Variants in MAP1LC3B observed in about 807,000 individuals in gnomAD.
MAP1LC3B encodes microtubule-associated protein 1 light chain 3 beta.
A neutral mutation model predicts 16.7 loss-of-function variants in MAP1LC3B; 12 were observed. The observed-to-expected ratio is 0.72, with a 90% CI of 0.46 to 1.16. MAP1LC3B has a LOEUF of 1.16. Ranked by LOEUF, MAP1LC3B falls within the 50% of genes most tolerant of loss-of-function variation. The pLI is 0.00. For synonymous variants in MAP1LC3B, 63 were observed against 56.5 expected (o/e 1.11, Z -0.51); for missense variants, 155 against 159.5 (o/e 0.97, Z 0.15).
chr16:87,400,799 C>T (rs982546243), intron 2 of MAP1LC3B, among the ~76,000 whole-genome samples: 15 of 151,698 alleles, frequency 9.9e-5, no homozygotes, highest in Non-Finnish European at 1.5e-4. Context: ...AACAACCAGC[C>T]TGAGTCACCG....
rs960569342 is a variant in MAP1LC3B at position 87,392,371 on chromosome 16, C to G, written c.-57C>G. The G allele has an allele frequency of 1.4e-6, 2 of 1,380,558 alleles. No individual in the cohort carries two copies. The highest frequency in any genetic ancestry group is 1.6e-5 in the South Asian group (1 of 63,422). 85.5% of individuals were successfully genotyped at this position (1,380,558 alleles called of 1,614,324 possible). A position where few individuals can be genotyped will look rare whatever the true frequency, so the allele number is the denominator to read the frequency against. The stretch of plus-strand genomic sequence containing the variant: ...TCGCCGCCGCAGCAGCCGCCGCCCC[C>G]GGGAGCCGCCGGGACCCTCGCGTCG... On this transcript the variant is annotated 5_prime_UTR_variant, in exon 1 of 4. Transcript: ENST00000268607.
At chr16:87,400,816 C>T (rs1413728880) in intron 2 of MAP1LC3B, among the ~76,000 whole-genome samples, 1 of 151,716 alleles carries the variant, frequency 6.6e-6, no homozygotes, top group African/African-American at 2.4e-5. Context: ...ACCGTGGCTC[C>T]CAAAACACAT....
At chr16:87,398,978 C>G (rs899224903) in intron 2 of MAP1LC3B, 108 bp downstream of exon 2, 3 of 924,990 alleles carry the variant, frequency 3.2e-6, no homozygotes, top group African/African-American at 3.3e-5. Context: ...ACAGCCAAAC[C>G]CTGGGTGTCA....
intron 1 of MAP1LC3B, 73 bp downstream of exon 1, chr16:87,392,540 A>G (rs2150707953): frequency 3.3e-6 from 4 of 1,206,988 alleles, no homozygotes; most frequent in Non-Finnish European, 4.1e-6. Flanking sequence ...AGGGCCTGGG[A>G]CGCCGTGAGG....
At chr16:87,395,091 GA>G (rs1415166643) in intron 1 of MAP1LC3B, among the ~76,000 whole-genome samples, 1 of 152,154 alleles carries the variant, frequency 6.6e-6, no homozygotes, top group Non-Finnish European at 1.5e-5. Context: ...GTAAATCCTG[GA>G]AAATCCTGGA....
intron 1 of MAP1LC3B, among the ~76,000 whole-genome samples, 165 bp from the exon 2 acceptor site, chr16:87,398,650 A>G (rs770402970): frequency 1.3e-5 from 2 of 152,208 alleles, no homozygotes; most frequent in Non-Finnish European, 2.9e-5. Context: ...AACCTTTATC[A>G]GGTTTGAAGT....
At chr16:87,394,905 A>T (rs185101326) in intron 1 of MAP1LC3B, among the ~76,000 whole-genome samples, 46 of 152,040 alleles carry the variant, frequency 3.0e-4, no homozygotes, top group Middle Eastern at 6.8e-3. Context: ...GCTCATCTCT[A>T]CCAAAAAAAG....
intron 2 of MAP1LC3B, 100 bp downstream of exon 2, chr16:87,398,970 A>G: frequency 9.8e-7 from 1 of 1,017,534 alleles, no homozygotes; most frequent in East Asian, 2.4e-5. Flanking sequence ...ATCACCAGAC[A>G]GCCAAACCCT....
intron 2 of MAP1LC3B, chr16:87,399,702 A>G (rs1907919336): frequency 2.5e-6 from 1 of 399,078 alleles, no homozygotes. Flanking sequence ...ATAACAGCTT[A>G]AAACTAAAAA....
At position 87,397,863 on chromosome 16, in the gene MAP1LC3B, T is replaced by C. The variant is rs76990024; in HGVS notation, c.41-952T>C. Among the ~76,000 whole-genome samples, 314 of 152,280 alleles carry C rather than the reference T, an allele frequency of 2.1e-3. 2 individuals carry two copies. Among genetic ancestry groups the C allele is most frequent in the Middle Eastern group, 6.8e-3 (2 of 294 alleles). On this transcript the variant is annotated intron_variant, in intron 1 of 3. Transcript: ENST00000268607. ...AGTCATATGTTCACATATTGCCTTT[T>C]TTTTTTTAACACACATATTGCTTTG... is the stretch of plus-strand genomic sequence containing the variant.
Position 87,392,381 on chromosome 16 carries a change from C to A in MAP1LC3B, c.-47C>A. On this transcript the variant is annotated 5_prime_UTR_variant, in exon 1 of 4. Transcript: ENST00000268607. ...AGCAGCCGCCGCCCCCGGGAGCCGC[C>A]GGGACCCTCGCGTCGTCGCCGCCGC... 7.1e-7 allele frequency: 1 copy of A among 1,403,610 alleles called. No individual in the cohort carries two copies. The highest frequency in any genetic ancestry group is 9.2e-7 in the Non-Finnish European group (1 of 1,087,214). The allele number at this position is 1,403,610 out of a possible 1,614,324, so 86.9% of individuals were successfully genotyped here. A position where few individuals can be genotyped will look rare whatever the true frequency, so the allele number is the denominator to read the frequency against.
At chr16:87,395,986 G>A (rs919938424) in intron 1 of MAP1LC3B, among the ~76,000 whole-genome samples, 1 of 149,256 alleles carries the variant, frequency 6.7e-6, no homozygotes, top group African/African-American at 2.5e-5. Flanking sequence ...TTAGCCTCCT[G>A]AGTAGCTGGG....
intron 1 of MAP1LC3B, 127 bp downstream of exon 1, chr16:87,392,594 G>A (rs1036238559): frequency 7.7e-6 from 7 of 911,334 alleles, no homozygotes; most frequent in Non-Finnish European, 9.7e-6. Flanking sequence ...GGTGGCTGCC[G>A]GCCGGCGGGG....
intron 3 of MAP1LC3B, 158 bp downstream of exon 3, chr16:87,402,439 T>C (rs1908028210): frequency 1.4e-6 from 1 of 715,474 alleles, no homozygotes; most frequent in East Asian, 2.8e-5. Context: ...CAATTTCAAC[T>C]TAAACTATAA....
chr16:87,400,096 A>G (rs1310588827), intron 2 of MAP1LC3B: 1 of 157,018 alleles, frequency 6.4e-6, no homozygotes, highest in Non-Finnish European at 1.4e-5. Flanking sequence ...AATTCATAAT[A>G]TGAAACTATA....
chr16:87,399,160 C>T lies in MAP1LC3B; in HGVS notation c.96+290C>T, dbSNP rs773444071. 7.7e-5 allele frequency: 30 copies of T among 390,436 alleles called. 1 individual carries two copies. The highest frequency in any genetic ancestry group is 4.3e-5 in the Admixed American group (1 of 23,258). 24.2% of individuals were successfully genotyped at this position (390,436 alleles called of 1,614,324 possible). A position where few individuals can be genotyped will look rare whatever the true frequency, so the allele number is the denominator to read the frequency against. ...TAGCTCTGACTAGAGGCACACACCA[C>T]TACACCTGGCTAATTTTTTAAGTTT... On this transcript the variant is annotated intron_variant, in intron 2 of 3. Transcript: ENST00000268607.
chr16:87,394,057 T>C (rs1258019786), intron 1 of MAP1LC3B, among the ~76,000 whole-genome samples: 1 of 152,218 alleles, frequency 6.6e-6, no homozygotes, highest in Non-Finnish European at 1.5e-5. Context: ...ACAAGGAATT[T>C]CCTGGAACCT....
In MAP1LC3B at chr16:87,395,749, G is replaced by A. The variant is rs187253170; in HGVS notation, c.41-3066G>A. 2.4e-3 allele frequency among the ~76,000 whole-genome samples: 349 copies of A among 147,810 alleles called. 1 individual carries two copies. The highest frequency in any genetic ancestry group is 8.0e-3 in the African/African-American group (319 of 39,958). On this transcript the variant is annotated intron_variant, in intron 1 of 3. Transcript: ENST00000268607. ...ACCTTTCATGAAAATAATCATTTTT[G>A]TCTTTTTAGGTCGTGTTTTGGGAAT...
rs186381517 is a variant in MAP1LC3B at position 87,398,166 on chromosome 16, G to A, written c.41-649G>A. Among the ~76,000 whole-genome samples, 592 of 152,192 alleles carry A rather than the reference G, an allele frequency of 3.9e-3. 2 individuals are homozygous for A. The highest frequency in any genetic ancestry group is 6.0e-3 in the Admixed American group (92 of 15,272). ...GCCTCCCGAGTAGCTGGGATTACAG[G>A]CATGTGCCATCACGCCCGGCTAATT... On this transcript the variant is annotated intron_variant, in intron 1 of 3. Transcript: ENST00000268607.
Sources: gnomAD v4.1 joint callset for allele counts (sites outside exome capture counted in the v4.1 genomes callset) on GRCh38, gnomAD v4.1.1 for gene constraint, MANE v1.5 for transcripts, NCBI Gene and HGNC (gene_info 2026-07-23, HGNC 2026-07-21) for gene names.